MAF: variants seen among roughly 807,000 people sequenced by gnomAD.
The protein encoded by MAF is MAF bZIP transcription factor.
A neutral mutation model predicts 22.0 loss-of-function variants in MAF; 10 were observed. That is an observed-to-expected ratio of 0.45 (90% confidence interval 0.28 to 0.77). The LOEUF (loss-of-function observed/expected upper bound fraction) is 0.77. MAF is among the 30% of genes least tolerant of loss of function. The pLI, the probability that MAF is intolerant of heterozygous loss-of-function variation, is 0.12. For missense variants in MAF, 544 were observed against 548.4 expected, an observed-to-expected ratio of 0.99 and a Z score of 0.08; for synonymous variants, 337 against 255.8, an observed-to-expected ratio of 1.32 and a Z score of -3.03.
chr16:79,589,602 G>C (rs1913062875), downstream of MAF, among the ~76,000 whole-genome samples: 1 of 152,304 alleles, frequency 6.6e-6, no homozygotes, highest in South Asian at 2.1e-4. Flanking sequence ...GGCCGCGATC[G>C]GGTGGAGTGA....
At chr16:79,557,193 G>C in the MAF span, among the ~76,000 whole-genome samples, 2 of 147,872 alleles carry the variant, frequency 1.4e-5, no homozygotes, top group East Asian at 2.0e-4. Flanking sequence ...TCCATTGCTA[G>C]TGCCAGCTAC....
At chr16:79,273,152 A>G in the MAF span, among the ~76,000 whole-genome samples, 1 of 152,086 alleles carries the variant, frequency 6.6e-6, no homozygotes, top group Non-Finnish European at 1.5e-5. Context: ...CCTTCAGGGA[A>G]TCCCCCACGA....
At chr16:79,338,326 G>A in the MAF span, among the ~76,000 whole-genome samples, 3 of 152,178 alleles carry the variant, frequency 2.0e-5, no homozygotes, top group Admixed American at 6.5e-5. Flanking sequence ...AAGTCACAGA[G>A]TGAGATCTCT....
At chr16:79,472,590 G>A in the MAF span, among the ~76,000 whole-genome samples, 1 of 152,150 alleles carries the variant, frequency 6.6e-6, no homozygotes, top group African/African-American at 2.4e-5. Flanking sequence ...ACAGGAAGTA[G>A]ATGAGTGGTT....
the MAF span, among the ~76,000 whole-genome samples, chr16:79,458,920 T>C: frequency 6.6e-6 from 1 of 152,148 alleles, no homozygotes; most frequent in African/African-American, 2.4e-5. Flanking sequence ...TACAGGAAAA[T>C]GCAGGGAAAG....
the MAF span, among the ~76,000 whole-genome samples, chr16:79,520,485 G>T: frequency 6.6e-6 from 1 of 152,092 alleles, no homozygotes; most frequent in Non-Finnish European, 1.5e-5. Flanking sequence ...GTGTGTGTGT[G>T]CGTGTGTGTG....
the MAF span, among the ~76,000 whole-genome samples, chr16:79,496,197 G>A: frequency 3.3e-5 from 5 of 152,294 alleles, no homozygotes; most frequent in East Asian, 7.7e-4. Flanking sequence ...TACGTGTCAT[G>A]TCAGATGGAA....
At chr16:79,423,995 T>C in the MAF span, among the ~76,000 whole-genome samples, 2 of 152,202 alleles carry the variant, frequency 1.3e-5, no homozygotes. Context: ...TACAACACAA[T>C]AATAAATGAA....
the MAF span, among the ~76,000 whole-genome samples, chr16:79,498,015 G>C: frequency 6.6e-6 from 1 of 152,196 alleles, no homozygotes; most frequent in Non-Finnish European, 1.5e-5. Context: ...TAAAGGGACA[G>C]GAGCTGAAGA....
chr16:79,312,553 A>T, the MAF span, among the ~76,000 whole-genome samples: 2 of 152,182 alleles, frequency 1.3e-5, no homozygotes, highest in African/African-American at 4.8e-5. Flanking sequence ...TCGAATTTCC[A>T]CGAGCCAGAG....
chr16:79,596,032 G>A (rs73587069), intron 1 of MAF: 29,386 of 1,060,986 alleles, frequency 0.028, 449 homozygotes, highest in South Asian at 0.056. Context: ...AGGAAAAATA[G>A]TCAACTTTAG....
the MAF span, among the ~76,000 whole-genome samples, chr16:79,416,569 T>C: frequency 2.0e-5 from 3 of 151,674 alleles, no homozygotes; most frequent in African/African-American, 7.3e-5. Context: ...GCTGAAAGTT[T>C]TAAATATCCA....
the MAF span, among the ~76,000 whole-genome samples, chr16:79,372,066 ATTTTT>A: frequency 1.2e-4 from 16 of 132,434 alleles, no homozygotes; most frequent in African/African-American, 3.4e-4. Context: ...AGGGAGAGGA[ATTTTT>A]TTTTTTTTTT....
chr16:79,569,196 G>A, the MAF span, among the ~76,000 whole-genome samples: 5 of 152,286 alleles, frequency 3.3e-5, no homozygotes, highest in South Asian at 6.2e-4. Flanking sequence ...GTCGGATAAC[G>A]CTTTGTGGGA....
chr16:79,481,780 A>G, the MAF span, among the ~76,000 whole-genome samples: 1 of 152,208 alleles, frequency 6.6e-6, no homozygotes. Flanking sequence ...CTCCTTCTGC[A>G]TCCCAGACCC....
chr16:79,304,760 G>C, the MAF span, among the ~76,000 whole-genome samples: 4 of 152,244 alleles, frequency 2.6e-5, no homozygotes, highest in Non-Finnish European at 4.4e-5. Context: ...GGGACCAAAA[G>C]GGACTAAATG....
chr16:79,512,053 T>C, the MAF span, among the ~76,000 whole-genome samples: 22 of 152,228 alleles, frequency 1.4e-4, no homozygotes, highest in Admixed American at 1.4e-3. Context: ...TTCCTTGTTA[T>C]GGATTCTTTT....
At chr16:79,425,337 C>T in the MAF span, among the ~76,000 whole-genome samples, 2 of 151,892 alleles carry the variant, frequency 1.3e-5, no homozygotes, top group East Asian at 1.9e-4. Flanking sequence ...GGGCTTTATG[C>T]TATCTGGAGT....
At chr16:79,296,904 T>TC in the MAF span, among the ~76,000 whole-genome samples, 1 of 152,198 alleles carries the variant, frequency 6.6e-6, no homozygotes, top group Non-Finnish European at 1.5e-5. Flanking sequence ...CCCTGGTGGG[T>TC]GGACTCTCCT....
Sources: allele counts gnomAD v4.1 joint callset (sites outside exome capture counted in the v4.1 genomes callset), GRCh38; gene constraint gnomAD v4.1.1; transcripts MANE v1.5; gene names NCBI Gene and HGNC (gene_info 2026-07-23, HGNC 2026-07-21).